The following ARMC8 variants were observed in gnomAD, a reference collection of about 807,000 sequenced individuals.
The protein encoded by ARMC8 is armadillo repeat-containing protein 8.
ARMC8 carries 20 observed loss-of-function variants against 99.3 expected under a neutral mutation model. The observed-to-expected ratio is 0.20, with a 90% CI of 0.14 to 0.29. The LOEUF (loss-of-function observed/expected upper bound fraction) is 0.29. ARMC8 is among the 10% of genes least tolerant of loss of function. The probability of loss-of-function intolerance (pLI) is 1.00; values close to 1 mark genes in which losing one functional copy is unlikely to be tolerated. For missense variants in ARMC8, 569 were observed against 809.5 expected, an observed-to-expected ratio of 0.70 and a Z score of 3.60; for synonymous variants, 263 against 278.3, an observed-to-expected ratio of 0.95 and a Z score of 0.55.
At chr3:138,204,571 C>T (rs2044257260) in intron 1 of ARMC8, among the ~76,000 whole-genome samples, 1 of 152,144 alleles carries the variant, frequency 6.6e-6, no homozygotes, top group African/African-American at 2.4e-5. Flanking sequence ...AAACTCTCTC[C>T]AAGCAGGCTT....
intron 16 of ARMC8, among the ~76,000 whole-genome samples, chr3:138,272,382 G>T (rs2048879186): frequency 6.6e-6 from 1 of 151,728 alleles, no homozygotes; most frequent in Admixed American, 6.6e-5. Flanking sequence ...AGTGATAAAT[G>T]AGTTTTGTAT....
chr3:138,210,569 A>G (rs1003651654), intron 2 of ARMC8, among the ~76,000 whole-genome samples: 1 of 152,104 alleles, frequency 6.6e-6, no homozygotes, highest in Admixed American at 6.5e-5. Context: ...AAGGCTTATC[A>G]TGGGGTTGGG....
rs116218895 is a variant in ARMC8, at chr3:138,233,035, A to G, written c.529-1999A>G. Among the ~76,000 whole-genome samples, 533 of 152,278 alleles carry G rather than the reference A, an allele frequency of 3.5e-3. 2 individuals carry two copies. Among genetic ancestry groups the G allele is most frequent in the African/African-American group, 0.012 (510 of 41,526 alleles). ...ATGATTTAGTAACTAGGTAAGAAAA[A>G]AAGGGTCGAATCCTTACGAGACCCC... On this transcript the variant is annotated intron_variant, in intron 6 of 21. Transcript: ENST00000469044.
intron 16 of ARMC8, among the ~76,000 whole-genome samples, chr3:138,271,798 C>CTTTCTTTT (rs1018824241): frequency 1.2e-4 from 17 of 136,134 alleles, no homozygotes; most frequent in African/African-American, 3.7e-4. Context: ...TTTTTTCTTT[C>CTTTCTTTT]TTTTTTTTTT....
intron 18 of ARMC8, among the ~76,000 whole-genome samples, chr3:138,277,749 A>G (rs1243607750): frequency 6.6e-6 from 1 of 152,214 alleles, no homozygotes; most frequent in Non-Finnish European, 1.5e-5. Context: ...AGTTGTACAT[A>G]TACGTGCCAT....
chr3:138,201,555 G>A (rs1353025727), intron 1 of ARMC8, among the ~76,000 whole-genome samples: 5 of 141,072 alleles, frequency 3.5e-5, no homozygotes, highest in East Asian at 2.3e-4. Flanking sequence ...TCCACCTCCC[G>A]GGTTCAAGCG....
intron 16 of ARMC8, among the ~76,000 whole-genome samples, chr3:138,270,927 C>G (rs568142565): frequency 6.6e-6 from 1 of 152,204 alleles, no homozygotes; most frequent in East Asian, 1.9e-4. Context: ...AGACACTAAG[C>G]TGGGCGTTTT....
intron 5 of ARMC8, among the ~76,000 whole-genome samples, chr3:138,225,621 C>CT (rs2045654669): frequency 6.6e-6 from 1 of 152,106 alleles, no homozygotes; most frequent in Non-Finnish European, 1.5e-5. Context: ...TGAAAGAATC[C>CT]TGAGACAAGT....
chr3:138,281,710 G>A (rs2049945780), intron 18 of ARMC8, among the ~76,000 whole-genome samples: 1 of 152,120 alleles, frequency 6.6e-6, no homozygotes, highest in Non-Finnish European at 1.5e-5. Flanking sequence ...GGGGATGCAT[G>A]GGCGTATTCT....
At chr3:138,257,104 A>G (rs1417201686) in intron 12 of ARMC8, among the ~76,000 whole-genome samples, 2 of 152,202 alleles carry the variant, frequency 1.3e-5, no homozygotes, top group African/African-American at 2.4e-5. Flanking sequence ...AACAGGCACA[A>G]ATGTGTTTAG....
intron 5 of ARMC8, among the ~76,000 whole-genome samples, chr3:138,228,363 G>C (rs1029437697): frequency 2.0e-5 from 3 of 152,164 alleles, no homozygotes; most frequent in Non-Finnish European, 4.4e-5. Flanking sequence ...CTTTTACATA[G>C]GTTCTTAAGT....
Position 138,223,669 on chromosome 3 carries a change from C to A in ARMC8, c.371C>A (p.Ala124Asp). 1 of 1,614,212 alleles carries A rather than the reference C, an allele frequency of 6.2e-7. No homozygotes were observed. The highest frequency in any genetic ancestry group is 1.1e-5 in the South Asian group (1 of 91,090). Residue 124 changes from alanine (A) to aspartate (D), a missense_variant, in exon 5 of 22, where the codon GCT becomes GAT. Transcript: ENST00000469044. Reference protein sequence around the residue: ...LLSPDLKFIEACLRCLRTIFT... With the variant: ...LLSPDLKFIEDCLRCLRTIFT... ...TCCCCAGACCTGAAGTTTATTGAAGCTTGCCTCCGATGCCTGCGTACCATC... is the reference window on the plus strand; with the variant it reads ...TCCCCAGACCTGAAGTTTATTGAAGATTGCCTCCGATGCCTGCGTACCATC...
At chr3:138,234,686 G>GT (rs1206490390) in intron 6 of ARMC8, among the ~76,000 whole-genome samples, 3 of 152,186 alleles carry the variant, frequency 2.0e-5, no homozygotes, top group Non-Finnish European at 2.9e-5. Context: ...AGAATTCATC[G>GT]TGGCTCTATT....
intron 9 of ARMC8, chr3:138,238,964 T>A (rs1053706211): frequency 6.6e-6 from 1 of 152,294 alleles, no homozygotes. Flanking sequence ...CCAAAGCCCC[T>A]GCTGTTAACC....
chr3:138,226,112 C>A (rs985562023), intron 5 of ARMC8, among the ~76,000 whole-genome samples: 1 of 152,190 alleles, frequency 6.6e-6, no homozygotes, highest in Non-Finnish European at 1.5e-5. Flanking sequence ...CCTGCCTTAG[C>A]CTCCCAAGTA....
At chr3:138,231,476 AATC>A (rs1220696996) in intron 6 of ARMC8, among the ~76,000 whole-genome samples, 2 of 152,296 alleles carry the variant, frequency 1.3e-5, no homozygotes, top group East Asian at 3.9e-4. Context: ...GTTGCAATAT[AATC>A]ATAATTATAT....
intron 18 of ARMC8, among the ~76,000 whole-genome samples, chr3:138,278,264 T>A (rs377432860): frequency 6.6e-6 from 1 of 152,224 alleles, no homozygotes. Context: ...CCCAGCACTT[T>A]GGGAGGCTGA....
At chr3:138,274,628 C>A in intron 18 of ARMC8, 84 bp downstream of exon 18, 1 of 985,204 alleles carries the variant, frequency 1.0e-6, no homozygotes, top group Non-Finnish European at 1.6e-6. Flanking sequence ...ATATTCAAAT[C>A]TGCAGAAGAC....
At chr3:138,195,073 G>C (rs1362977446) in intron 1 of ARMC8, among the ~76,000 whole-genome samples, 11 of 151,888 alleles carry the variant, frequency 7.2e-5, no homozygotes, top group Admixed American at 5.9e-4. Context: ...TCAGGAGTTC[G>C]AGATCAGCCT....
Sources: gnomAD v4.1 joint callset for allele counts (sites outside exome capture counted in the v4.1 genomes callset) on GRCh38, gnomAD v4.1.1 for gene constraint, MANE v1.5 for transcripts, NCBI Gene and HGNC (gene_info 2026-07-23, HGNC 2026-07-21) for gene names.